The following AGBL4 variants were observed in gnomAD, a reference collection of about 807,000 sequenced individuals.
AGBL4 encodes the protein cytosolic carboxypeptidase 6.
In AGBL4, 58 loss-of-function variants were observed where a neutral mutation model predicts 66.4. That is an observed-to-expected ratio of 0.87 (90% CI 0.71 to 1.09). The LOEUF (loss-of-function observed/expected upper bound fraction) is 1.09, where lower values mean the gene tolerates loss of function less well. AGBL4 is among the 50% of genes least tolerant of loss of function. AGBL4 has a pLI of 0.00. For synonymous variants in AGBL4, 234 were observed against 222.9 expected (o/e 1.05, Z -0.44); for missense variants, 579 against 631.0 (o/e 0.92, Z 0.88).
rs1662628257 is a variant in AGBL4, at chr1:50,023,787, C to T, written c.10G>A (p.Gly4Arg). ...CCTGCCTCAGGCGCCGACTGGCTCC[C>T]CTCCGCCATTTTTGTTGTCCCTCAG... MAEGSQSAPEAGND... is the reference protein window; with the variant it reads MAERSQSAPEAGND... The change falls in exon 1 of 14, where the codon GGG becomes AGG. Residue 4 changes from glycine (G) to arginine (R), a missense_variant. Physicochemically the swap from Gly to Arg is moderately radical, Grantham distance 125 (BLOSUM62 -2). Coordinates refer to ENST00000371839, the MANE Select transcript of AGBL4 (RefSeq NM_032785.4). The T allele has an allele frequency of 6.5e-7, 1 of 1,549,572 alleles. No homozygotes were observed.
At chr1:49,394,993 C>T (rs1334270431) in intron 3 of AGBL4, among the ~76,000 whole-genome samples, 1 of 151,990 alleles carries the variant, frequency 6.6e-6, no homozygotes, top group East Asian at 1.9e-4. Context: ...TTTTTTCAAA[C>T]AATGCCCCTG....
chr1:48,525,818 G>T, the AGBL4 span, among the ~76,000 whole-genome samples: 1 of 152,206 alleles, frequency 6.6e-6, no homozygotes, highest in Non-Finnish European at 1.5e-5. Context: ...TGTGGCTTGG[G>T]TTAGAGGAAG....
chr1:49,863,206 T>C (rs1362669208), intron 1 of AGBL4, among the ~76,000 whole-genome samples: 7 of 152,128 alleles, frequency 4.6e-5, no homozygotes, highest in African/African-American at 1.7e-4. Flanking sequence ...GTCTCTTCAA[T>C]AAATGGTGCT....
intron 3 of AGBL4, among the ~76,000 whole-genome samples, chr1:49,464,474 C>G (rs1434962410): frequency 6.6e-6 from 1 of 151,748 alleles, no homozygotes; most frequent in Non-Finnish European, 1.5e-5. Flanking sequence ...AGAAGAGATT[C>G]TAGTTCTGAG....
At chr1:49,767,536 G>A (rs558828903) in intron 2 of AGBL4, among the ~76,000 whole-genome samples, 1 of 151,978 alleles carries the variant, frequency 6.6e-6, no homozygotes, top group African/African-American at 2.4e-5. Context: ...ATCTAACATT[G>A]CATCTAGAGT....
chr1:49,132,608 GT>G (rs1645922531), intron 4 of AGBL4, among the ~76,000 whole-genome samples: 1 of 152,118 alleles, frequency 6.6e-6, no homozygotes, highest in Non-Finnish European at 1.5e-5. Flanking sequence ...TATGGCAAAT[GT>G]TTTTTGCCTT....
At chr1:49,648,606 A>C (rs982628560) in intron 3 of AGBL4, among the ~76,000 whole-genome samples, 1 of 152,096 alleles carries the variant, frequency 6.6e-6, no homozygotes, top group African/African-American at 2.4e-5. Context: ...GAAAAATCCA[A>C]AAAGAATACA....
At chr1:49,448,640 G>A (rs2148678746) in intron 3 of AGBL4, among the ~76,000 whole-genome samples, 1 of 152,252 alleles carries the variant, frequency 6.6e-6, no homozygotes, top group African/African-American at 2.4e-5. Flanking sequence ...CATGAGCAAG[G>A]CACCAATCCA....
chr1:49,712,688 A>C (rs1458390452), intron 2 of AGBL4, among the ~76,000 whole-genome samples: 1 of 151,962 alleles, frequency 6.6e-6, no homozygotes, highest in Non-Finnish European at 1.5e-5. Context: ...TATGTATATG[A>C]AAAAAGAAAG....
intron 8 of AGBL4, among the ~76,000 whole-genome samples, chr1:48,636,020 T>C (rs1302068169): frequency 6.6e-6 from 1 of 152,236 alleles, no homozygotes; most frequent in Non-Finnish European, 1.5e-5. Context: ...TCATTTAGCA[T>C]TTCCCCACTG....
At chr1:49,504,098 G>T (rs1648456543) in intron 3 of AGBL4, among the ~76,000 whole-genome samples, 1 of 152,028 alleles carries the variant, frequency 6.6e-6, no homozygotes, top group Non-Finnish European at 1.5e-5. Flanking sequence ...TGAATTATGG[G>T]GGCGGTTTCC....
intron 4 of AGBL4, among the ~76,000 whole-genome samples, chr1:49,126,354 T>C (rs1489805845): frequency 6.6e-6 from 1 of 152,150 alleles, no homozygotes; most frequent in African/African-American, 2.4e-5. Flanking sequence ...GAAGACTCCA[T>C]AGCACTGTGA....
intron 3 of AGBL4, among the ~76,000 whole-genome samples, chr1:49,299,962 T>C (rs1644713711): frequency 6.6e-6 from 1 of 152,214 alleles, no homozygotes; most frequent in Non-Finnish European, 1.5e-5. Flanking sequence ...TAAATCCCAA[T>C]GTATAATTCT....
intron 4 of AGBL4, among the ~76,000 whole-genome samples, chr1:49,165,322 C>A (rs535372785): frequency 1.3e-5 from 2 of 152,246 alleles, no homozygotes; most frequent in Non-Finnish European, 2.9e-5. Context: ...GAGAAACATT[C>A]ATTCAACATG....
At chr1:49,403,360 CTTTATAGGCAAAATGTGT>C (rs1645128298) in intron 3 of AGBL4, among the ~76,000 whole-genome samples, 3 of 152,074 alleles carry the variant, frequency 2.0e-5, no homozygotes, top group Admixed American at 6.5e-5. Flanking sequence ...CTATGTGTGT[CTTTATAGGCAAAATGTGT>C]TTCTTGTAGG....
chr1:49,350,198 TG>T (rs1229720138), intron 3 of AGBL4, among the ~76,000 whole-genome samples: 122 of 151,200 alleles, frequency 8.1e-4, no homozygotes, highest in African/African-American at 2.9e-3. Flanking sequence ...TTTTTTTTTT[TG>T]TTTTGTTTTG....
intron 3 of AGBL4, among the ~76,000 whole-genome samples, chr1:49,476,293 TTTTAAATTCACTGAGACTTGC>T (rs146068222): frequency 0.062 from 9,363 of 152,164 alleles, 417 homozygotes; most frequent in East Asian, 0.097. Flanking sequence ...ATTTCAATTG[TTTTAAATTCACTGAGACTTGC>T]TTTATGACAG....
chr1:49,569,946 T>C (rs1644293490), intron 3 of AGBL4, among the ~76,000 whole-genome samples: 1 of 152,178 alleles, frequency 6.6e-6, no homozygotes, highest in Non-Finnish European at 1.5e-5. Flanking sequence ...AGTATTCCAC[T>C]GTGTATATAT....
intron 1 of AGBL4, among the ~76,000 whole-genome samples, chr1:49,974,479 G>A (rs188895220): frequency 1.8e-4 from 27 of 152,224 alleles, no homozygotes; most frequent in Non-Finnish European, 1.9e-4. Flanking sequence ...TTATTCTCAG[G>A]TGTGGAAATA....
Sources: allele counts gnomAD v4.1 joint callset (sites outside exome capture counted in the v4.1 genomes callset), GRCh38; gene constraint gnomAD v4.1.1; transcripts MANE v1.5; gene names NCBI Gene and HGNC (gene_info 2026-07-23, HGNC 2026-07-21).